The following POLQ variants were observed in gnomAD, a reference collection of about 807,000 sequenced individuals.
POLQ encodes the protein epididymis secretory sperm binding protein.
POLQ carries 233 observed loss-of-function variants against 259.2 expected under a neutral mutation model. That is an observed-to-expected ratio of 0.90 (90% CI 0.81 to 1.00). The LOEUF is 1.00. Among genes scored for constraint, POLQ ranks in the 50% least tolerant of loss-of-function variants. POLQ has a pLI of 0.00. For missense variants in POLQ, 2,871 were observed against 3,051.6 expected (o/e 0.94, Z 1.39); for synonymous variants, 1,025 against 1,048.8 (o/e 0.98, Z 0.44).
Position 121,544,883 on chromosome 3 carries a change from CA to C in POLQ, c.186del (p.Asp63ThrfsTer27). The C allele has an allele frequency of 6.2e-7, 1 of 1,606,834 alleles. No individual in the cohort carries two copies. The highest frequency in any genetic ancestry group is 1.3e-5 in the African/African-American group (1 of 74,826). On this transcript the variant is annotated frameshift_variant, in exon 2 of 30. Coordinates refer to ENST00000264233, the MANE Select transcript of POLQ (RefSeq NM_199420.4). LOFTEE classifies it high-confidence loss of function. The part of the protein sequence containing the change: ...AAAGECKPTV[P>X]DYERDKLLLA... ...AATAGTAGCTTGTCTCTTTCGTAGTCAGGAACTGTAGGCTTGCATTCTCCTT... is the reference window on the plus strand; with the variant it reads ...AATAGTAGCTTGTCTCTTTCGTAGTCGGAACTGTAGGCTTGCATTCTCCTT...
chr3:121,512,833 A>T (rs182573662), intron 9 of POLQ, among the ~76,000 whole-genome samples: 3 of 152,360 alleles, frequency 2.0e-5, no homozygotes, highest in African/African-American at 7.2e-5. Flanking sequence ...GTAAAATGCA[A>T]ATGTAAATTG....
chr3:121,545,719 AG>A lies in POLQ; in HGVS notation c.158del (p.Ala53ValfsTer37), dbSNP rs761562166. 6 of 1,560,134 alleles carry A rather than the reference AG, an allele frequency of 3.8e-6. No individual in the cohort carries two copies. The highest frequency in any genetic ancestry group is 5.2e-6 in the Non-Finnish European group (6 of 1,153,324). On this transcript the variant is annotated frameshift_variant, in exon 1 of 30. Coordinates refer to ENST00000264233, the MANE Select transcript of POLQ (RefSeq NM_199420.4). LOFTEE classifies it high-confidence loss of function. ...PGLGRCLKAA[A>X]AGECKPTVPD... Reference sequence around the variant, plus strand: ...CCTCCCGGGTTCCTGGAGCACCTGCAGCTGCGGCCTTCAGGCAGCGACCAAG... The same window carrying A: ...CCTCCCGGGTTCCTGGAGCACCTGCACTGCGGCCTTCAGGCAGCGACCAAG...
chr3:121,489,948 C>T lies in POLQ; in HGVS notation c.2983G>A (p.Asp995Asn). The change falls in exon 16 of 30, where the codon GAT (aspartate) becomes AAT (asparagine). Residue 995 changes from aspartate (D) to asparagine (N), a missense_variant. Coordinates refer to ENST00000264233, the MANE Select transcript of POLQ (RefSeq NM_199420.4). Reference sequence around the variant, plus strand: ...GCTCCTGGCTTCTCTTTATTTATATCTAAAGAGGCCCGTTTTCTTGCTCTG... The same window carrying T: ...GCTCCTGGCTTCTCTTTATTTATATTTAAAGAGGCCCGTTTTCTTGCTCTG... ...IFRARKRASL[D>N]INKEKPGASQ... 6.3e-7 allele frequency: 1 copy of T among 1,578,000 alleles called. No homozygotes were observed. The highest frequency in any genetic ancestry group is 8.6e-7 in the Non-Finnish European group (1 of 1,169,410).
At chr3:121,450,324 C>G (rs1282370606) in intron 25 of POLQ, among the ~76,000 whole-genome samples, 1 of 151,836 alleles carries the variant, frequency 6.6e-6, no homozygotes, top group Non-Finnish European at 1.5e-5. Flanking sequence ...AAAGTCTACC[C>G]CCACCCCCAA....
chr3:121,464,711 TGAA>T (rs2047821504), intron 24 of POLQ, among the ~76,000 whole-genome samples: 1 of 152,180 alleles, frequency 6.6e-6, no homozygotes, highest in South Asian at 2.1e-4. Flanking sequence ...CTTTGTTTCA[TGAA>T]CAAAATTTAA....
In POLQ at chr3:121,488,640, T is replaced by C. The variant is rs759953849; in HGVS notation, c.4291A>G (p.Lys1431Glu). 1 of 1,601,698 alleles carries C rather than the reference T, an allele frequency of 6.2e-7. No individual in the cohort carries two copies. The highest frequency in any genetic ancestry group is 8.5e-7 in the Non-Finnish European group (1 of 1,177,098). Residue 1431 changes from lysine (K) to glutamate (E), a missense_variant, in exon 16 of 30, where the codon AAA (lysine) becomes GAA (glutamate). By Grantham distance (56) the Lys-to-Glu change is moderately conservative (BLOSUM62 1). Around this residue, in one of 3 missense-constraint regions of POLQ, gnomAD observed 2,080 missense variants for 2,126.0 expected, o/e 0.98. Transcript: ENST00000264233. ...ILLEENGLFL[K>E]KNEVSVTDSQ... ...TCAGTAACAGAAACTTCATTCTTTTTTAAAAAAAGACCATTTTCCTCCAAT... is the reference window on the plus strand; with the variant it reads ...TCAGTAACAGAAACTTCATTCTTTTCTAAAAAAAGACCATTTTCCTCCAAT...
intron 9 of POLQ, among the ~76,000 whole-genome samples, chr3:121,519,549 G>A (rs998837113): frequency 3.3e-5 from 5 of 150,164 alleles, no homozygotes; most frequent in Non-Finnish European, 4.4e-5. Flanking sequence ...GGTGGCAGGC[G>A]CCTGTAGTCC....
chr3:121,505,166 C>T (rs1050746026), intron 12 of POLQ, among the ~76,000 whole-genome samples: 1 of 152,168 alleles, frequency 6.6e-6, no homozygotes, highest in African/African-American at 2.4e-5. Flanking sequence ...CTCTCTCACT[C>T]TCTTCCTCTT....
At chr3:121,542,104 C>T (rs2108822649) in intron 2 of POLQ, among the ~76,000 whole-genome samples, 1 of 151,474 alleles carries the variant, frequency 6.6e-6, no homozygotes, top group Non-Finnish European at 1.5e-5. Flanking sequence ...CCACTGCACT[C>T]CAGCCTGGGC....
intron 17 of POLQ, among the ~76,000 whole-genome samples, chr3:121,484,324 A>T (rs73193627): frequency 0.036 from 5,506 of 152,302 alleles, 152 homozygotes; most frequent in Middle Eastern, 0.082. Context: ...AAGTTTATAT[A>T]ATTCGACTAC....
rs189289159 is a variant in POLQ, at chr3:121,458,193, C to T, written c.7152+1857G>A. 8.1e-3 allele frequency among the ~76,000 whole-genome samples: 1,226 copies of T among 152,028 alleles called. 15 individuals carry two copies. Among genetic ancestry groups the T allele is most frequent in the African/African-American group, 0.028 (1,164 of 41,458 alleles). ...AGGTGGGAATTGAACAATGAGAACA[C>T]ATGGACACAGGAAGGGGAACATCAC... is the stretch of plus-strand genomic sequence containing the variant. On this transcript the variant is annotated intron_variant, in intron 25 of 29. Transcript: ENST00000264233.
chr3:121,466,416 C>CGT (rs2047837107), intron 24 of POLQ, among the ~76,000 whole-genome samples: 2 of 149,550 alleles, frequency 1.3e-5, no homozygotes, highest in Admixed American at 1.3e-4. Flanking sequence ...CTTAGCCAGG[C>CGT]GCAGTGGCTC....
chr3:121,491,059 A>G (rs1484255960), intron 15 of POLQ, among the ~76,000 whole-genome samples: 1 of 151,774 alleles, frequency 6.6e-6, no homozygotes, highest in Non-Finnish European at 1.5e-5. Flanking sequence ...TCATTAAAAA[A>G]ATTTTTTAAA....
intron 25 of POLQ, among the ~76,000 whole-genome samples, chr3:121,450,112 G>A (rs2047662257): frequency 6.6e-6 from 1 of 152,080 alleles, no homozygotes; most frequent in Admixed American, 6.6e-5. Context: ...TAACCAATTT[G>A]TATCTTAATT....
intron 21 of POLQ, 127 bp from the exon 22 acceptor site, chr3:121,472,291 TAC>T: frequency 4.3e-6 from 2 of 461,332 alleles, no homozygotes; most frequent in Non-Finnish European, 3.8e-6. Context: ...TCAAAACTAT[TAC>T]TTGGAGTTTT....
At chr3:121,518,068 T>C (rs1215748825) in intron 9 of POLQ, among the ~76,000 whole-genome samples, 1 of 152,192 alleles carries the variant, frequency 6.6e-6, no homozygotes, top group Non-Finnish European at 1.5e-5. Flanking sequence ...AAACAGATGA[T>C]TAGGTTCCTG....
intron 23 of POLQ, 76 bp downstream of exon 23, chr3:121,468,229 T>G (rs1284911552): frequency 1.7e-6 from 2 of 1,171,428 alleles, no homozygotes; most frequent in Non-Finnish European, 2.4e-6. Context: ...ATTTCATTTA[T>G]TTGTCTAATA....
intron 26 of POLQ, among the ~76,000 whole-genome samples, chr3:121,448,990 T>C (rs181430222): frequency 6.6e-6 from 1 of 152,350 alleles, no homozygotes; most frequent in Non-Finnish European, 1.5e-5. Flanking sequence ...GTTCCTAGTA[T>C]ATATACTCAA....
In POLQ at chr3:121,509,661, G is replaced by GAA. The variant is rs1560103078; in HGVS notation, c.1857_1858dup (p.Ser620PhefsTer11). The GAA allele has an allele frequency of 6.2e-7, 1 of 1,613,980 alleles. No individual in the cohort carries two copies. The highest frequency in any genetic ancestry group is 2.2e-5 in the East Asian group (1 of 44,854). On this transcript the variant is annotated frameshift_variant, in exon 12 of 30. Transcript: ENST00000264233. LOFTEE classifies it high-confidence loss of function. ...AGTATCAGCTGGAGAAAGTGAAGAA[G>GAA]AAAGAGTGGCCGAACCAAGATGTGT...
Sources: gnomAD v4.1 joint callset for allele counts (sites outside exome capture counted in the v4.1 genomes callset) on GRCh38, gnomAD v4.1.1 for gene constraint, gnomAD v4.1.1 regional missense constraint, MANE v1.5 for transcripts, NCBI Gene and HGNC (gene_info 2026-07-23, HGNC 2026-07-21) for gene names.